Variants in UNC5C observed in about 807,000 individuals in gnomAD.
The protein encoded by UNC5C is unc-5 netrin receptor C.
Under a neutral mutation model 99.8 loss-of-function variants are expected in UNC5C, and 47 were observed. The observed-to-expected ratio is 0.47, with a 90% CI of 0.37 to 0.60. The LOEUF (loss-of-function observed/expected upper bound fraction) is 0.60. Among genes scored for constraint, UNC5C ranks in the 20% least tolerant of loss-of-function variants. The pLI, the probability that UNC5C is intolerant of heterozygous loss-of-function variation, is 0.00. For missense variants in UNC5C, 1,062 were observed against 1,165.9 expected, an observed-to-expected ratio of 0.91 and a Z score of 1.30; for synonymous variants, 487 against 452.2, an observed-to-expected ratio of 1.08 and a Z score of -0.98.
intron 1 of UNC5C, among the ~76,000 whole-genome samples, chr4:95,352,457 A>G (rs550516491): frequency 1.3e-5 from 2 of 152,248 alleles, no homozygotes; most frequent in South Asian, 2.1e-4. Context: ...GTTTCCTTCT[A>G]TCTGATTATT....
At chr4:95,200,688 C>G (rs1044092055) in intron 12 of UNC5C, among the ~76,000 whole-genome samples, 3 of 152,214 alleles carry the variant, frequency 2.0e-5, no homozygotes, top group Non-Finnish European at 4.4e-5. Flanking sequence ...TTCCTGACCA[C>G]TGTGGATAAC....
intron 7 of UNC5C, among the ~76,000 whole-genome samples, chr4:95,227,014 T>C (rs371368319): frequency 6.6e-6 from 1 of 152,134 alleles, no homozygotes; most frequent in Admixed American, 6.5e-5. Flanking sequence ...AGAACAGGCA[T>C]GGCGTTCAGG....
chr4:95,513,388 A>C (rs757743334), intron 1 of UNC5C, among the ~76,000 whole-genome samples: 67 of 152,200 alleles, frequency 4.4e-4, no homozygotes, highest in Non-Finnish European at 7.1e-4. Context: ...TTGGATAAAC[A>C]AATACATTCT....
intron 2 of UNC5C, among the ~76,000 whole-genome samples, chr4:95,306,117 G>C (rs1742051729): frequency 6.6e-6 from 1 of 152,132 alleles, no homozygotes; most frequent in African/African-American, 2.4e-5. Flanking sequence ...ATTAATAACA[G>C]ATATTATGCT....
At chr4:95,447,561 C>T (rs944742630) in intron 1 of UNC5C, among the ~76,000 whole-genome samples, 6 of 151,990 alleles carry the variant, frequency 3.9e-5, no homozygotes, top group Non-Finnish European at 7.4e-5. Context: ...AGTGCAGTGG[C>T]GCAATCTCGG....
intron 1 of UNC5C, among the ~76,000 whole-genome samples, chr4:95,473,964 A>T (rs1207216542): frequency 2.6e-5 from 4 of 152,134 alleles, no homozygotes; most frequent in Admixed American, 1.3e-4. Flanking sequence ...AGCTATAATC[A>T]CAAAACATGT....
At chr4:95,535,927 ACAGC>A (rs1306691579) in intron 1 of UNC5C, among the ~76,000 whole-genome samples, 1 of 152,050 alleles carries the variant, frequency 6.6e-6, no homozygotes, top group African/African-American at 2.4e-5. Flanking sequence ...TCAAGGAAAC[ACAGC>A]CATGATATAC....
chr4:95,515,756 A>C (rs1477626186), intron 1 of UNC5C, among the ~76,000 whole-genome samples: 2 of 152,196 alleles, frequency 1.3e-5, no homozygotes, highest in Non-Finnish European at 2.9e-5. Flanking sequence ...TCCTAAAACG[A>C]AGGTCAATTT....
intron 3 of UNC5C, among the ~76,000 whole-genome samples, chr4:95,294,039 A>G (rs1741583858): frequency 1.3e-5 from 2 of 152,160 alleles, no homozygotes; most frequent in Admixed American, 1.3e-4. Context: ...GCTCTGAAAA[A>G]CCAGTATGAC....
intron 1 of UNC5C, among the ~76,000 whole-genome samples, chr4:95,422,632 C>T (rs545430217): frequency 1.3e-5 from 2 of 152,286 alleles, no homozygotes; most frequent in South Asian, 4.1e-4. Context: ...TCTTAACTGA[C>T]TTGTTTTTTA....
chr4:95,407,025 G>T (rs1202843763), intron 1 of UNC5C, among the ~76,000 whole-genome samples: 1 of 152,098 alleles, frequency 6.6e-6, no homozygotes. Context: ...ATACAAAAAT[G>T]ATTGTACTTT....
At chr4:95,240,222 C>T (rs560095582) in intron 7 of UNC5C, among the ~76,000 whole-genome samples, 2 of 152,230 alleles carry the variant, frequency 1.3e-5, no homozygotes, top group South Asian at 4.1e-4. Context: ...TGACCTTGTC[C>T]CTCTTGCGAA....
intron 2 of UNC5C, among the ~76,000 whole-genome samples, chr4:95,302,962 T>A (rs969982809): frequency 1.3e-5 from 2 of 152,084 alleles, no homozygotes; most frequent in African/African-American, 4.8e-5. Context: ...GTGTGAGTAA[T>A]CAGGGAACCC....
At chr4:95,205,618 A>G (rs1177171011) in intron 11 of UNC5C, among the ~76,000 whole-genome samples, 1 of 152,182 alleles carries the variant, frequency 6.6e-6, no homozygotes, top group South Asian at 2.1e-4. Context: ...CATATAATAT[A>G]TACTTTGCAT....
intron 1 of UNC5C, among the ~76,000 whole-genome samples, chr4:95,485,913 A>G (rs948467621): frequency 6.6e-6 from 1 of 151,674 alleles, no homozygotes; most frequent in Non-Finnish European, 1.5e-5. Context: ...CAACTTTCCA[A>G]TATCTTTTCC....
chr4:95,294,120 T>C (rs1276116439), intron 3 of UNC5C, among the ~76,000 whole-genome samples: 1 of 152,236 alleles, frequency 6.6e-6, no homozygotes, highest in East Asian at 1.9e-4. Flanking sequence ...AGTTTAGACA[T>C]ACTGGACTCA....
intron 7 of UNC5C, among the ~76,000 whole-genome samples, chr4:95,232,515 G>T (rs1665397304): frequency 6.6e-6 from 1 of 152,064 alleles, no homozygotes; most frequent in African/African-American, 2.4e-5. Flanking sequence ...TGAGCTTGCA[G>T]CCCTGGACCT....
chr4:95,525,504 T>TA (rs752553827), intron 1 of UNC5C, among the ~76,000 whole-genome samples: 32 of 146,988 alleles, frequency 2.2e-4, no homozygotes, highest in Non-Finnish European at 3.3e-4. Context: ...GAAATACATG[T>TA]AACTCGAAAT....
At chr4:95,292,149 G>A (rs1741483373) in intron 3 of UNC5C, among the ~76,000 whole-genome samples, 2 of 147,620 alleles carry the variant, frequency 1.4e-5, no homozygotes, top group Admixed American at 1.4e-4. Flanking sequence ...CAGGACTTCT[G>A]TACATGTGAA....
Sources: gnomAD v4.1 joint callset for allele counts (sites outside exome capture counted in the v4.1 genomes callset) on GRCh38, gnomAD v4.1.1 for gene constraint, MANE v1.5 for transcripts, NCBI Gene and HGNC (gene_info 2026-07-23, HGNC 2026-07-21) for gene names.